The following DENND1B variants were observed in gnomAD, a reference collection of about 807,000 sequenced individuals.
The protein encoded by DENND1B is DENN domain-containing protein 1B.
Under a neutral mutation model 90.1 loss-of-function variants are expected in DENND1B, and 59 were observed. The ratio of observed to expected loss-of-function variants is 0.65; its 90% CI spans 0.53 to 0.81. The LOEUF (loss-of-function observed/expected upper bound fraction) is 0.81. Ranked by LOEUF, DENND1B falls within the 40% of genes least tolerant of loss-of-function variation. The pLI is 0.00. For missense variants in DENND1B, 862 were observed against 912.6 expected (o/e 0.94, Z 0.71); for synonymous variants, 337 against 324.6 (o/e 1.04, Z -0.41).
chr1:197,511,839 T>C lies in DENND1B; in HGVS notation c.1704A>G (p.Leu568=), dbSNP rs762679429. The C allele has an allele frequency of 3.1e-6, 5 of 1,611,580 alleles. No individual in the cohort carries two copies. Among genetic ancestry groups the C allele is most frequent in the Admixed American group, 1.7e-5 (1 of 59,806 alleles). Residue 568 remains leucine, a synonymous_variant, in exon 22 of 23, where the codon CTA becomes CTG. Coordinates refer to ENST00000620048, the MANE Select transcript of DENND1B (RefSeq NM_001195215.2). Reference sequence around the variant, plus strand: ...TGCTCAATGTATCAAGAATCTCTCCTAGTAAGTCCATTTCACCTGAGTAAG... The same window carrying C: ...TGCTCAATGTATCAAGAATCTCTCCCAGTAAGTCCATTTCACCTGAGTAAG... ...KTPYSGEMDL[L]GEILDTLSTH...
At chr1:197,636,689 A>G (rs574257466) in intron 10 of DENND1B, among the ~76,000 whole-genome samples, 2 of 152,338 alleles carry the variant, frequency 1.3e-5, no homozygotes, top group Admixed American at 6.5e-5. Flanking sequence ...ATAATTATTA[A>G]TAACATCATC....
At chr1:197,586,779 G>T (rs1348848631) in intron 14 of DENND1B, among the ~76,000 whole-genome samples, 1 of 152,222 alleles carries the variant, frequency 6.6e-6, no homozygotes, top group Non-Finnish European at 1.5e-5. Context: ...AGTCAAGCAA[G>T]AACATGGTCT....
chr1:197,742,996 G>C lies in DENND1B; in HGVS notation c.83-27922C>G, dbSNP rs1663358188. Among the ~76,000 whole-genome samples the C allele has an allele frequency of 2.0e-5, 3 of 152,158 alleles. No individual in the cohort carries two copies. The South Asian group carries it at 6.2e-4, about 32-fold the overall frequency. On this transcript the variant is annotated intron_variant, in intron 2 of 22. Transcript: ENST00000620048. Reference sequence around the variant, plus strand: ...CACCTCAGAAAGGTCACACTGTTAGGAGACAATTCCAGGGGTCTCTCACTT... The same window carrying C: ...CACCTCAGAAAGGTCACACTGTTAGCAGACAATTCCAGGGGTCTCTCACTT...
At chr1:197,642,572 G>T in intron 10 of DENND1B, 139 bp downstream of exon 10, 1 of 535,906 alleles carries the variant, frequency 1.9e-6, no homozygotes, top group South Asian at 3.3e-5. Flanking sequence ...TCAAGAGCCA[G>T]ATTAAAACCA....
chr1:197,627,914 T>C (rs1678928814), intron 10 of DENND1B, among the ~76,000 whole-genome samples: 1 of 152,058 alleles, frequency 6.6e-6, no homozygotes, highest in African/African-American at 2.4e-5. Flanking sequence ...ATGAGTTAAC[T>C]CCCATTCACA....
At chr1:197,780,645 C>A (rs1290010177), upstream of DENND1B, among the ~76,000 whole-genome samples, 1 of 152,084 alleles carries the variant, frequency 6.6e-6, no homozygotes, top group African/African-American at 2.4e-5. Context: ...CCCCCATCCT[C>A]CACCCCTAAG....
chr1:197,526,949 A>G (rs1571741894), intron 20 of DENND1B, among the ~76,000 whole-genome samples: 1 of 152,182 alleles, frequency 6.6e-6, no homozygotes, highest in Non-Finnish European at 1.5e-5. Context: ...GGAAAGTACT[A>G]CATAATGTCC....
intron 3 of DENND1B, among the ~76,000 whole-genome samples, chr1:197,693,637 C>T (rs577201886): frequency 5.9e-5 from 9 of 151,732 alleles, no homozygotes; most frequent in Non-Finnish European, 7.4e-5. Context: ...CAAATGCATT[C>T]CTTTTCTCCA....
chr1:197,724,359 A>C (rs1661441651), intron 2 of DENND1B, among the ~76,000 whole-genome samples: 1 of 152,190 alleles, frequency 6.6e-6, no homozygotes, highest in Non-Finnish European at 1.5e-5. Context: ...AGTTACAATA[A>C]AAGTAAATGT....
intron 15 of DENND1B, among the ~76,000 whole-genome samples, chr1:197,561,448 C>A (rs1672154760): frequency 6.6e-6 from 1 of 151,854 alleles, no homozygotes; most frequent in South Asian, 2.1e-4. Context: ...TTCATAACCT[C>A]CGTTGCTAGT....
At chr1:197,645,824 A>T in intron 8 of DENND1B, 81 bp from the exon 9 acceptor site, 1 of 943,744 alleles carries the variant, frequency 1.1e-6, no homozygotes, top group Non-Finnish European at 1.5e-6. Flanking sequence ...TCAGAAAAAA[A>T]TATATTGAGT....
chr1:197,636,288 T>G (rs941905135), intron 10 of DENND1B, among the ~76,000 whole-genome samples: 54 of 152,150 alleles, frequency 3.5e-4, no homozygotes, highest in African/African-American at 1.3e-3. Flanking sequence ...CATTGAGAGA[T>G]AATCGACTAG....
At chr1:197,624,692 G>A (rs1416635951) in intron 10 of DENND1B, among the ~76,000 whole-genome samples, 2 of 151,882 alleles carry the variant, frequency 1.3e-5, no homozygotes, top group African/African-American at 2.4e-5. Context: ...GTTGAGAGAA[G>A]AAGGCTTCAG....
chr1:197,595,149 T>C (rs1675570024), intron 14 of DENND1B, 59 bp downstream of exon 14: 2 of 1,546,026 alleles, frequency 1.3e-6, no homozygotes, highest in South Asian at 1.2e-5. Flanking sequence ...TTTTTTTCTG[T>C]CTCATTCCAA....
At chr1:197,675,910 C>T (rs1207159242) in intron 3 of DENND1B, among the ~76,000 whole-genome samples, 2 of 151,840 alleles carry the variant, frequency 1.3e-5, no homozygotes, top group Non-Finnish European at 2.9e-5. Context: ...CTTTCACACC[C>T]TCCCCCTCCC....
intron 2 of DENND1B, among the ~76,000 whole-genome samples, chr1:197,757,149 T>C (rs1287954230): frequency 6.6e-6 from 1 of 152,144 alleles, no homozygotes; most frequent in Non-Finnish European, 1.5e-5. Flanking sequence ...TATAATTTAT[T>C]ATCTCTATTG....
At chr1:197,718,932 C>A (rs1660898252) in intron 2 of DENND1B, among the ~76,000 whole-genome samples, 1 of 152,052 alleles carries the variant, frequency 6.6e-6, no homozygotes, top group South Asian at 2.1e-4. Context: ...GAAAGAACAA[C>A]CAGAAAGGGA....
intron 10 of DENND1B, among the ~76,000 whole-genome samples, chr1:197,622,588 T>C (rs1678272213): frequency 1.3e-5 from 2 of 151,426 alleles, no homozygotes; most frequent in Non-Finnish European, 3.0e-5. Flanking sequence ...GTATGAGAAA[T>C]CTATGATAGA....
At chr1:197,559,219 GC>G (rs2125699334) in intron 15 of DENND1B, among the ~76,000 whole-genome samples, 1 of 151,982 alleles carries the variant, frequency 6.6e-6, no homozygotes, top group African/African-American at 2.4e-5. Flanking sequence ...ATATTTAATT[GC>G]AATCACTCCA....
Sources: allele counts gnomAD v4.1 joint callset (sites outside exome capture counted in the v4.1 genomes callset), GRCh38; gene constraint gnomAD v4.1.1; transcripts MANE v1.5; gene names NCBI Gene and HGNC (gene_info 2026-07-23, HGNC 2026-07-21).